GPC6: variants seen among roughly 807,000 people sequenced by gnomAD.
GPC6 encodes glypican-6.
In GPC6, 14 loss-of-function variants were observed where a neutral mutation model predicts 55.2. That is an observed-to-expected ratio of 0.25 (90% confidence interval 0.17 to 0.40). The LOEUF is 0.40. GPC6 is among the 10% of genes least tolerant of loss of function. The pLI, the probability that GPC6 is intolerant of heterozygous loss-of-function variation, is 1.00. For missense variants in GPC6, 641 were observed against 708.5 expected (o/e 0.90, Z 1.08); for synonymous variants, 278 against 259.6 (o/e 1.07, Z -0.68).
chr13:93,449,043 A>T (rs552929817), intron 1 of GPC6, among the ~76,000 whole-genome samples: 160 of 152,362 alleles, frequency 1.1e-3, no homozygotes, highest in Non-Finnish European at 1.9e-3. Context: ...GTGTAAAGGC[A>T]CAAGACATTG....
At chr13:94,385,459 A>G (rs984399142) in intron 7 of GPC6, among the ~76,000 whole-genome samples, 3 of 152,206 alleles carry the variant, frequency 2.0e-5, no homozygotes, top group African/African-American at 7.2e-5. Flanking sequence ...CAGGTGGGAA[A>G]ATGATCCAGT....
At chr13:93,346,359 C>A (rs1355720646) in intron 1 of GPC6, among the ~76,000 whole-genome samples, 2 of 152,154 alleles carry the variant, frequency 1.3e-5, no homozygotes, top group Non-Finnish European at 2.9e-5. Flanking sequence ...TTGCCCAGAT[C>A]CTTCCTAGCC....
Position 94,286,459 on chromosome 13 carries a change from A to G in GPC6, c.988A>G (p.Ser330Gly). ...SEAIMNMQEN[S>G]MQVSAKVFQG... ...AGCCATTATGAACATGCAAGAAAACAGCATGCAGGTGTCTGCAAAGGTATT... is the reference window on the plus strand; with the variant it reads ...AGCCATTATGAACATGCAAGAAAACGGCATGCAGGTGTCTGCAAAGGTATT... The change falls in exon 5 of 9, where the codon AGC becomes GGC. Residue 330 changes from serine (S) to glycine (G), a missense_variant. By Grantham distance (56) the Ser-to-Gly change is moderately conservative (BLOSUM62 0). Transcript: ENST00000377047. 44 of 1,613,608 alleles carry G rather than the reference A, an allele frequency of 2.7e-5. No homozygotes were observed. Among genetic ancestry groups the G allele is most frequent in the Non-Finnish European group, 3.6e-5 (42 of 1,179,568 alleles).
At chr13:93,270,675 G>A (rs1236658911) in intron 1 of GPC6, among the ~76,000 whole-genome samples, 2 of 147,106 alleles carry the variant, frequency 1.4e-5, no homozygotes, top group Non-Finnish European at 3.0e-5. Context: ...CTCTGTCCTA[G>A]CATTTTCACA....
chr13:93,666,853 T>C (rs1450187439), intron 2 of GPC6, among the ~76,000 whole-genome samples: 1 of 152,218 alleles, frequency 6.6e-6, no homozygotes, highest in African/African-American at 2.4e-5. Flanking sequence ...GTTTATGCTG[T>C]CTGCTGACCT....
At chr13:94,127,321 A>G (rs772415496) in intron 4 of GPC6, among the ~76,000 whole-genome samples, 49 of 152,052 alleles carry the variant, frequency 3.2e-4, no homozygotes, top group Admixed American at 1.7e-3. Context: ...CAGATCCCTC[A>G]TGGCTTGGTG....
chr13:93,569,316 C>G (rs750197183), intron 2 of GPC6, among the ~76,000 whole-genome samples: 2 of 152,088 alleles, frequency 1.3e-5, no homozygotes, highest in African/African-American at 2.4e-5. Context: ...TTGGCTCTTG[C>G]ACTTAATCAC....
chr13:94,336,645 C>T (rs1327235738), intron 6 of GPC6, among the ~76,000 whole-genome samples: 1 of 152,008 alleles, frequency 6.6e-6, no homozygotes, highest in Non-Finnish European at 1.5e-5. Context: ...AGTGACCTTC[C>T]GTGAAAGAGA....
chr13:94,082,938 T>G (rs1452236906), intron 4 of GPC6, among the ~76,000 whole-genome samples: 2 of 152,184 alleles, frequency 1.3e-5, no homozygotes, highest in Non-Finnish European at 2.9e-5. Flanking sequence ...GGATCCTGTA[T>G]TTCTTCTAGA....
chr13:93,954,418 G>C (rs1050439954), intron 3 of GPC6, among the ~76,000 whole-genome samples: 8 of 152,038 alleles, frequency 5.3e-5, no homozygotes, highest in African/African-American at 1.7e-4. Context: ...AGGCTCAAGC[G>C]ATCCTCCTGA....
chr13:93,541,874 G>GT (rs1389548184), intron 1 of GPC6, among the ~76,000 whole-genome samples: 1 of 151,268 alleles, frequency 6.6e-6, no homozygotes, highest in Non-Finnish European at 1.5e-5. Context: ...TGATGGGGTT[G>GT]TTTTTTTCTT....
chr13:93,498,080 A>C (rs1169593492), intron 1 of GPC6, among the ~76,000 whole-genome samples: 3 of 152,220 alleles, frequency 2.0e-5, no homozygotes, highest in African/African-American at 7.2e-5. Context: ...CCGTACTTTA[A>C]GGATAGCTTC....
intron 3 of GPC6, among the ~76,000 whole-genome samples, chr13:93,874,478 T>C (rs571945160): frequency 6.6e-6 from 1 of 151,746 alleles, no homozygotes; most frequent in South Asian, 2.1e-4. Context: ...ATTCCATGTC[T>C]TTGCTACTGT....
chr13:93,708,122 G>T (rs1450325190), intron 2 of GPC6, among the ~76,000 whole-genome samples: 1 of 151,582 alleles, frequency 6.6e-6, no homozygotes, highest in African/African-American at 2.4e-5. Flanking sequence ...TAAATATTTT[G>T]AATATAATCT....
intron 4 of GPC6, among the ~76,000 whole-genome samples, chr13:94,175,994 C>T (rs1364328732): frequency 4.2e-5 from 4 of 96,384 alleles, no homozygotes; most frequent in Admixed American, 1.0e-4. Flanking sequence ...AGAGAGAGAG[C>T]GAGCTTGTCC....
At chr13:93,743,922 T>C (rs1884296130) in intron 2 of GPC6, among the ~76,000 whole-genome samples, 1 of 152,210 alleles carries the variant, frequency 6.6e-6, no homozygotes, top group Admixed American at 6.5e-5. Flanking sequence ...CTGCTGATAC[T>C]GAATGGCATT....
At chr13:93,605,974 TAAG>T (rs923105415) in intron 2 of GPC6, among the ~76,000 whole-genome samples, 13 of 152,144 alleles carry the variant, frequency 8.5e-5, no homozygotes, top group African/African-American at 2.9e-4. Context: ...ATCATAGGGT[TAAG>T]AAGGACAGCT....
intron 4 of GPC6, among the ~76,000 whole-genome samples, chr13:94,110,062 TAAAAAA>T (rs78404632): frequency 2.4e-5 from 2 of 84,630 alleles, no homozygotes; most frequent in Non-Finnish European, 5.1e-5. Context: ...CACCCTGGAC[TAAAAAA>T]AAAAAAAAAA....
chr13:94,014,586 T>C (rs913864261), intron 3 of GPC6, among the ~76,000 whole-genome samples: 2 of 152,180 alleles, frequency 1.3e-5, no homozygotes, highest in Non-Finnish European at 1.5e-5. Context: ...TTTACGGTGT[T>C]AGCAAGCACC....
Sources: allele counts gnomAD v4.1 joint callset (sites outside exome capture counted in the v4.1 genomes callset), GRCh38; gene constraint gnomAD v4.1.1; transcripts MANE v1.5; gene names NCBI Gene and HGNC (gene_info 2026-07-23, HGNC 2026-07-21).